KCNIP4: variants seen among roughly 807,000 people sequenced by gnomAD.
KCNIP4 encodes the protein Kv channel-interacting protein 4.
Under a neutral mutation model 34.0 loss-of-function variants are expected in KCNIP4, and 12 were observed. That is an observed-to-expected ratio of 0.35 (90% CI 0.23 to 0.57). KCNIP4 has a LOEUF of 0.57. Among genes scored for constraint, KCNIP4 ranks in the 20% least tolerant of loss-of-function variants. The pLI is 0.83. For missense variants in KCNIP4, 238 were observed against 311.7 expected (o/e 0.76, Z 1.78); for synonymous variants, 124 against 102.2 (o/e 1.21, Z -1.29).
rs549468370 is a variant in KCNIP4, at chr4:21,610,781, G to A, written c.61+337790C>T. Among the ~76,000 whole-genome samples the A allele has an allele frequency of 4.6e-5, 7 of 152,014 alleles. No homozygotes were observed. In the South Asian group the frequency reaches 1.2e-3, roughly 27 times the overall value. ...TTTCTGCATGGGTGGGGAGGCCTCA[G>A]GAAACTTACAAACATGGTGAAAAGG... is the stretch of plus-strand genomic sequence containing the variant. On this transcript the variant is annotated intron_variant, in intron 1 of 8. Coordinates refer to ENST00000382152, the MANE Select transcript of KCNIP4 (RefSeq NM_025221.6).
chr4:21,331,392 T>C (rs560762298), intron 1 of KCNIP4, among the ~76,000 whole-genome samples: 4 of 152,244 alleles, frequency 2.6e-5, no homozygotes, highest in Admixed American at 2.0e-4. Context: ...ATACTTTTAC[T>C]ACATTATCAT....
At chr4:21,778,236 C>CTTT (rs71655659) in intron 1 of KCNIP4, among the ~76,000 whole-genome samples, 3 of 25,760 alleles carry the variant, frequency 1.2e-4, no homozygotes, top group Non-Finnish European at 2.3e-4. Context: ...TTTTTTTTTT[C>CTTT]TTTTTTTTTT....
chr4:21,585,701 G>A (rs908563250), intron 1 of KCNIP4, among the ~76,000 whole-genome samples: 23 of 152,102 alleles, frequency 1.5e-4, no homozygotes, highest in Non-Finnish European at 2.9e-4. Context: ...AGAAGTCTTA[G>A]TGTATAAAAT....
chr4:21,798,404 C>CATATATATATATATATATATATATATAT lies in KCNIP4; in HGVS notation c.61+150166_61+150167insATATATATATATATATATATATATATAT, dbSNP rs112991875. 1.2e-4 allele frequency among the ~76,000 whole-genome samples: 16 copies of CATATATATATATATATATATATATATAT among 129,666 alleles called. No individual in the cohort carries two copies. The East Asian group carries it at 1.6e-3, about 13-fold the overall frequency. 85.1% of individuals were successfully genotyped at this position (129,666 alleles called of 152,430 possible). ...CCGTTTCCACACACACAAAAAAATA[C>CATATATATATATATATATATATATATAT]ATATATATATATATATATATATTTG... On this transcript the variant is annotated intron_variant, in intron 1 of 8. Transcript: ENST00000382152.
chr4:21,051,423 A>G (rs1742919350), intron 1 of KCNIP4, among the ~76,000 whole-genome samples: 1 of 152,198 alleles, frequency 6.6e-6, no homozygotes, highest in Non-Finnish European at 1.5e-5. Context: ...TTTGTTTAAT[A>G]AAAAGCAGTA....
intron 1 of KCNIP4, among the ~76,000 whole-genome samples, chr4:21,176,188 C>A (rs1396354226): frequency 6.6e-6 from 1 of 152,124 alleles, no homozygotes; most frequent in East Asian, 1.9e-4. Flanking sequence ...AGACTGCAGA[C>A]CAAATTTTTA....
rs1167634179 is a variant in KCNIP4, at chr4:21,467,455, C to T, written c.61+481116G>A. 4.6e-5 allele frequency among the ~76,000 whole-genome samples: 7 copies of T among 152,052 alleles called. No homozygotes were observed. In the East Asian group the frequency reaches 7.7e-4, roughly 17 times the overall value. ...CACTACACCACAACTGTGTGGTTGA[C>T]GCTGGAACTGTGGCAATGGAGCCAC... On this transcript the variant is annotated intron_variant, in intron 1 of 8. Coordinates refer to ENST00000382152, the MANE Select transcript of KCNIP4 (RefSeq NM_025221.6).
rs746408950 is a variant in KCNIP4, at chr4:21,598,099, G to A, written c.61+350472C>T. Among the ~76,000 whole-genome samples, 18 of 152,100 alleles carry A rather than the reference G, an allele frequency of 1.2e-4. No individual in the cohort carries two copies. In the East Asian group the frequency reaches 2.5e-3, roughly 21 times the overall value. On this transcript the variant is annotated intron_variant, in intron 1 of 8. Transcript: ENST00000382152. ...GACTATTCTGGATTAAAGCAGCACC[G>A]GTTACCATTAAATGAAAGGAGAGAA... is the stretch of plus-strand genomic sequence containing the variant.
At chr4:21,734,221 G>T (rs555514429) in intron 1 of KCNIP4, among the ~76,000 whole-genome samples, 7 of 152,104 alleles carry the variant, frequency 4.6e-5, no homozygotes, top group Non-Finnish European at 7.4e-5. Context: ...CCAAGTGTCT[G>T]CAATCTGTCA....
At chr4:21,769,086 C>G (rs1718609447) in intron 1 of KCNIP4, among the ~76,000 whole-genome samples, 1 of 151,998 alleles carries the variant, frequency 6.6e-6, no homozygotes, top group South Asian at 2.1e-4. Flanking sequence ...CATGTACAGA[C>G]AAGTTCACCT....
intron 1 of KCNIP4, among the ~76,000 whole-genome samples, chr4:21,866,762 AT>A (rs770568451): frequency 0.026 from 2,169 of 82,556 alleles, 10 homozygotes; most frequent in African/African-American, 0.071. Flanking sequence ...TTCAGCCTGG[AT>A]TTTTTTTTTT....
intron 1 of KCNIP4, among the ~76,000 whole-genome samples, chr4:21,897,354 T>G (rs907481240): frequency 1.3e-5 from 2 of 152,306 alleles, no homozygotes; most frequent in Non-Finnish European, 2.9e-5. Flanking sequence ...ACATACCAAC[T>G]TAATTGGCCA....
At chr4:20,979,570 T>C (rs1008849954) in intron 1 of KCNIP4, among the ~76,000 whole-genome samples, 1 of 152,034 alleles carries the variant, frequency 6.6e-6, no homozygotes, top group Non-Finnish European at 1.5e-5. Context: ...AGCTATTTTT[T>C]TGTATTTTTA....
At chr4:20,830,214 A>T (rs1345177459) in intron 3 of KCNIP4, among the ~76,000 whole-genome samples, 1 of 152,188 alleles carries the variant, frequency 6.6e-6, no homozygotes, top group East Asian at 1.9e-4. Flanking sequence ...GTAACTCCAG[A>T]GTCTTTGTTC....
At chr4:21,393,356 T>C (rs766977765) in intron 1 of KCNIP4, among the ~76,000 whole-genome samples, 9 of 152,166 alleles carry the variant, frequency 5.9e-5, no homozygotes, top group Non-Finnish European at 1.2e-4. Flanking sequence ...ATTTTTAAGA[T>C]GTGTAACAAA....
chr4:21,361,881 C>G (rs952956564), intron 1 of KCNIP4, among the ~76,000 whole-genome samples: 1 of 152,060 alleles, frequency 6.6e-6, no homozygotes, highest in Admixed American at 6.6e-5. Context: ...GGAATTTATA[C>G]TGTCCTTCAG....
intron 1 of KCNIP4, among the ~76,000 whole-genome samples, chr4:21,073,182 G>A (rs146073369): frequency 0.24 from 36,019 of 152,006 alleles, 4,313 homozygotes; most frequent in Middle Eastern, 0.31. Context: ...ATTCTGTGAA[G>A]AAAGTCATTG....
At chr4:21,378,521 T>C (rs774313015) in intron 1 of KCNIP4, among the ~76,000 whole-genome samples, 3 of 152,172 alleles carry the variant, frequency 2.0e-5, no homozygotes, top group Non-Finnish European at 4.4e-5. Flanking sequence ...ATTCCAAAAG[T>C]CGGCAGGTGA....
intron 1 of KCNIP4, among the ~76,000 whole-genome samples, chr4:21,793,967 A>G (rs370439308): frequency 2.0e-4 from 31 of 152,238 alleles, no homozygotes; most frequent in African/African-American, 7.5e-4. Context: ...AAAAAGGATG[A>G]ATTCATGTCC....
Sources: gnomAD v4.1 joint callset for allele counts (sites outside exome capture counted in the v4.1 genomes callset) on GRCh38, gnomAD v4.1.1 for gene constraint, MANE v1.5 for transcripts, NCBI Gene and HGNC (gene_info 2026-07-23, HGNC 2026-07-21) for gene names.